The following PARP11 variants were observed in gnomAD, a reference collection of about 807,000 sequenced individuals.
The protein encoded by PARP11 is poly(ADP-ribose) polymerase family member 11.
Under a neutral mutation model 42.9 loss-of-function variants are expected in PARP11, and 31 were observed. The observed-to-expected ratio is 0.72, with a 90% CI of 0.54 to 0.98. PARP11 has a LOEUF of 0.98. Among genes scored for constraint, PARP11 ranks in the 50% least tolerant of loss-of-function variants. The pLI, the probability that PARP11 is intolerant of heterozygous loss-of-function variation, is 0.00. For missense variants in PARP11, 365 were observed against 413.1 expected (o/e 0.88, Z 1.01); for synonymous variants, 137 against 127.3 (o/e 1.08, Z -0.51).
chr12:3,864,933 ACTT>A (rs772734766), intron 1 of PARP11, among the ~76,000 whole-genome samples: 1 of 151,828 alleles, frequency 6.6e-6, no homozygotes, highest in Non-Finnish European at 1.5e-5. Context: ...CTCCTGTTTA[ACTT>A]CTTCTTTTTC....
intron 6 of PARP11, among the ~76,000 whole-genome samples, chr12:3,820,942 C>T (rs565009089): frequency 6.6e-6 from 1 of 152,214 alleles, no homozygotes; most frequent in East Asian, 1.9e-4. Context: ...TGAAAGAATT[C>T]CATGTATCAT....
intron 1 of PARP11, among the ~76,000 whole-genome samples, chr12:3,835,117 T>C (rs1407848059): frequency 6.6e-6 from 1 of 151,956 alleles, no homozygotes; most frequent in African/African-American, 2.4e-5. Context: ...CCTGGCTAAA[T>C]GCAGGACAAA....
chr12:3,809,280 G>A lies in PARP11; in HGVS notation c.*2843C>T, dbSNP rs1196455816. On this transcript the variant is annotated 3_prime_UTR_variant, in exon 8 of 8. Transcript: ENST00000228820. ...GATTTAATCTACTTACCAAAACAAA[G>A]AAATAAAATTTTAACATCCATTAAC... 2 of 151,900 alleles carry A rather than the reference G, an allele frequency of 1.3e-5. No individual in the cohort carries two copies. Among genetic ancestry groups the A allele is most frequent in the Admixed American group, 1.3e-4 (2 of 15,260 alleles). The allele number at this position is 151,900 out of a possible 1,614,324, so 9.4% of individuals were successfully genotyped here.
chr12:3,841,711 T>A, intron 1 of PARP11: 1 of 1,613,140 alleles, frequency 6.2e-7, no homozygotes, highest in Non-Finnish European at 8.5e-7. Context: ...ACCCAATCCA[T>A]TCTTAGGCCC....
At chr12:3,815,712 A>T (rs924210069) in intron 6 of PARP11, among the ~76,000 whole-genome samples, 15 of 152,250 alleles carry the variant, frequency 9.9e-5, no homozygotes, top group Non-Finnish European at 1.9e-4. Flanking sequence ...GTCGGTTAAA[A>T]CTCCCAGGAC....
intron 1 of PARP11, among the ~76,000 whole-genome samples, chr12:3,864,928 G>A (rs1446912697): frequency 1.3e-5 from 2 of 152,048 alleles, no homozygotes; most frequent in East Asian, 3.9e-4. Context: ...CCTTGCTCCT[G>A]TTTAACTTCT....
At chr12:3,812,539 T>C (rs937585877) in intron 7 of PARP11, 100 bp from the exon 8 acceptor site, 2 of 791,048 alleles carry the variant, frequency 2.5e-6, no homozygotes, top group Non-Finnish European at 4.0e-6. Context: ...TAGAATTGTA[T>C]AATAAAAATA....
chr12:3,846,156 T>G (rs1947989007), intron 1 of PARP11, among the ~76,000 whole-genome samples: 1 of 152,184 alleles, frequency 6.6e-6, no homozygotes, highest in African/African-American at 2.4e-5. Context: ...TGTTTATTTT[T>G]CTATGTTCTG....
rs1403383213 is a variant in PARP11, at chr12:3,812,048, G to T, written c.*75C>A. 1.9e-6 allele frequency: 2 copies of T among 1,059,046 alleles called. No homozygotes were observed. Among genetic ancestry groups the T allele is most frequent in the Non-Finnish European group, 2.7e-6 (2 of 730,174 alleles). 65.6% of individuals were successfully genotyped at this position (1,059,046 alleles called of 1,614,324 possible). Reference sequence around the variant, plus strand: ...AGTATCAGATAATTAACATTTAGTGGCTAGATGACTGAAGAGCAAACCTTC... The same window carrying T: ...AGTATCAGATAATTAACATTTAGTGTCTAGATGACTGAAGAGCAAACCTTC... On this transcript the variant is annotated 3_prime_UTR_variant, in exon 8 of 8. Transcript: ENST00000228820.
rs180939809 is a variant in PARP11 at position 3,844,529 on chromosome 12, A to T, written c.19-14511T>A. Among the ~76,000 whole-genome samples the T allele has an allele frequency of 7.1e-3, 1,079 of 152,322 alleles. 7 individuals carry two copies. The highest frequency in any genetic ancestry group is 0.024 in the African/African-American group (1,002 of 41,574). ...ATGTGTTTGATCTCAGGAGTCCAAAATAAGTTGTTGCTGCATTTTATTGAC... is the reference window on the plus strand; with the variant it reads ...ATGTGTTTGATCTCAGGAGTCCAAATTAAGTTGTTGCTGCATTTTATTGAC... On this transcript the variant is annotated intron_variant, in intron 1 of 7. Transcript: ENST00000228820.
chr12:3,829,401 C>A (rs1023997509), intron 2 of PARP11, among the ~76,000 whole-genome samples: 26 of 152,094 alleles, frequency 1.7e-4, no homozygotes, highest in Admixed American at 8.5e-4. Context: ...GTTTTGAGTG[C>A]GGATTCAAAT....
At chr12:3,842,400 G>T in intron 1 of PARP11, 1 of 1,611,166 alleles carries the variant, frequency 6.2e-7, no homozygotes, top group Non-Finnish European at 8.5e-7. Flanking sequence ...GGAAAGGACA[G>T]CCAAGCAGAA....
Position 3,808,912 on chromosome 12 carries a change from T to C in PARP11, c.*3211A>G, listed in dbSNP as rs896618843. 3 of 152,162 alleles carry C rather than the reference T, an allele frequency of 2.0e-5. No individual in the cohort carries two copies. Among genetic ancestry groups the C allele is most frequent in the Non-Finnish European group, 4.4e-5 (3 of 68,038 alleles). 9.4% of individuals were successfully genotyped at this position (152,162 alleles called of 1,614,324 possible). A position where few individuals can be genotyped will look rare whatever the true frequency, so the allele number is the denominator to read the frequency against. On this transcript the variant is annotated 3_prime_UTR_variant, in exon 8 of 8. Coordinates refer to ENST00000228820, the MANE Select transcript of PARP11 (RefSeq NM_020367.6). The stretch of plus-strand genomic sequence containing the variant: ...CACATGTAAAAGCAATACATTCATA[T>C]ATCAAAATTGGCTCCAAATTCTTTA...
chr12:3,842,083 G>A, intron 1 of PARP11: 1 of 1,608,974 alleles, frequency 6.2e-7, no homozygotes, highest in Non-Finnish European at 8.5e-7. Context: ...TCTAAACAGA[G>A]AGAGAGAGAA....
intron 1 of PARP11, among the ~76,000 whole-genome samples, chr12:3,831,542 T>TATAAATGAATGAG (rs1184227779): frequency 6.6e-6 from 1 of 152,172 alleles, no homozygotes; most frequent in African/African-American, 2.4e-5. Context: ...GGGATGTTGT[T>TATAAATGAATGAG]ATAAATGAAT....
intron 3 of PARP11, among the ~76,000 whole-genome samples, chr12:3,827,174 G>A (rs1947544865): frequency 6.6e-6 from 1 of 152,194 alleles, no homozygotes; most frequent in Non-Finnish European, 1.5e-5. Flanking sequence ...GAAAACCTGA[G>A]TTGGCTAGTG....
At chr12:3,822,552 T>C (rs1399945327) in intron 4 of PARP11, among the ~76,000 whole-genome samples, 2 of 149,388 alleles carry the variant, frequency 1.3e-5, no homozygotes, top group South Asian at 4.2e-4. Flanking sequence ...TGAGCCGAGA[T>C]TGCGCCACTG....
At position 3,840,317 on chromosome 12, in the gene PARP11, T is replaced by A. The variant is rs1388779774; in HGVS notation, c.19-10299A>T. On this transcript the variant is annotated intron_variant, in intron 1 of 7. Coordinates refer to ENST00000228820, the MANE Select transcript of PARP11 (RefSeq NM_020367.6). The surrounding 1 kb of genome is among the most constrained non-coding windows in gnomAD (Gnocchi z 4.4). ...CCTCCCCCAGAAAGCTGGAACACAG[T>A]GTCAGGGAAGAAGATGAAAAAACCT... is the stretch of plus-strand genomic sequence containing the variant. 1.9e-6 allele frequency: 3 copies of A among 1,614,014 alleles called. No homozygotes were observed. Among genetic ancestry groups the A allele is most frequent in the Admixed American group, 1.7e-5 (1 of 60,008 alleles).
chr12:3,851,392 G>C (rs1948093048), intron 1 of PARP11, among the ~76,000 whole-genome samples: 1 of 152,168 alleles, frequency 6.6e-6, no homozygotes, highest in Admixed American at 6.5e-5. Flanking sequence ...AGGAAAACTG[G>C]GACACTGCTA....
Sources: allele counts gnomAD v4.1 joint callset (sites outside exome capture counted in the v4.1 genomes callset), GRCh38; gene constraint gnomAD v4.1.1; non-coding constraint Gnocchi (gnomAD v3.1); transcripts MANE v1.5; gene names NCBI Gene and HGNC (gene_info 2026-07-23, HGNC 2026-07-21).